Variants in EVI5 observed in about 807,000 individuals in gnomAD.
The protein encoded by EVI5 is ecotropic viral integration site 5.
EVI5 carries 73 observed loss-of-function variants against 112.0 expected under a neutral mutation model. The ratio of observed to expected loss-of-function variants is 0.65; its 90% confidence interval spans 0.54 to 0.79. The LOEUF is 0.79. Ranked by LOEUF, EVI5 falls within the 30% of genes least tolerant of loss-of-function variation. EVI5 has a pLI of 0.00. For synonymous variants in EVI5, 305 were observed against 319.9 expected, an observed-to-expected ratio of 0.95 and a Z score of 0.50; for missense variants, 900 against 968.8, an observed-to-expected ratio of 0.93 and a Z score of 0.94.
intron 1 of EVI5, among the ~76,000 whole-genome samples, chr1:92,747,205 A>G (rs1206809137): frequency 6.6e-6 from 1 of 152,200 alleles, no homozygotes; most frequent in Admixed American, 6.5e-5. Flanking sequence ...ATTAGGTATC[A>G]TAAGTAATCT....
At chr1:92,630,604 C>A (rs917659868) in intron 14 of EVI5, among the ~76,000 whole-genome samples, 7 of 152,076 alleles carry the variant, frequency 4.6e-5, no homozygotes, top group Non-Finnish European at 1.0e-4. Flanking sequence ...AAAATTTTCT[C>A]CCATTCTGTA....
chr1:92,789,447 C>A (rs374558669), upstream of EVI5, among the ~76,000 whole-genome samples: 1 of 152,078 alleles, frequency 6.6e-6, no homozygotes, highest in Non-Finnish European at 1.5e-5. Flanking sequence ...GGACTACAGG[C>A]GCCTGCCACC....
chr1:92,707,551 GA>G (rs1672212070), intron 2 of EVI5, among the ~76,000 whole-genome samples: 1 of 152,130 alleles, frequency 6.6e-6, no homozygotes, highest in African/African-American at 2.4e-5. Context: ...ATAAGTACTT[GA>G]AAAATGTTAG....
chr1:92,765,146 A>G (rs781246640), intron 1 of EVI5, among the ~76,000 whole-genome samples: 2 of 151,716 alleles, frequency 1.3e-5, no homozygotes, highest in African/African-American at 4.8e-5. Flanking sequence ...ATTGAAATCA[A>G]TTCTGCTACC....
chr1:92,516,188 T>C (rs576248069), intron 19 of EVI5, among the ~76,000 whole-genome samples: 2 of 152,278 alleles, frequency 1.3e-5, no homozygotes, highest in Admixed American at 6.5e-5. Context: ...TTTCTCTTTT[T>C]CCCCCAGACC....
chr1:92,557,010 G>A (rs1416681678), intron 19 of EVI5, among the ~76,000 whole-genome samples: 1 of 151,880 alleles, frequency 6.6e-6, no homozygotes, highest in Non-Finnish European at 1.5e-5. Context: ...CTTCAGTAAA[G>A]GCTTTATTTA....
At chr1:92,514,344 C>T (rs560307242) in intron 19 of EVI5, among the ~76,000 whole-genome samples, 51 of 151,958 alleles carry the variant, frequency 3.4e-4, no homozygotes, top group African/African-American at 1.1e-3. Flanking sequence ...TTTGTAGACA[C>T]GGGGTTTCAC....
intron 18 of EVI5, among the ~76,000 whole-genome samples, chr1:92,564,740 C>T (rs1489938683): frequency 1.2e-4 from 18 of 148,978 alleles, no homozygotes; most frequent in Admixed American, 8.8e-4. Context: ...AGTGCAATGG[C>T]GCGATTTCGG....
chr1:92,696,591 T>C (rs1354685218), intron 6 of EVI5, among the ~76,000 whole-genome samples: 1 of 151,020 alleles, frequency 6.6e-6, no homozygotes, highest in East Asian at 2.0e-4. Flanking sequence ...GAACTGTGAT[T>C]GTGTCATTGT....
At chr1:92,651,695 C>CA (rs1189464146) in intron 13 of EVI5, among the ~76,000 whole-genome samples, 2 of 125,822 alleles carry the variant, frequency 1.6e-5, no homozygotes, top group Non-Finnish European at 1.7e-5. Context: ...ATTAAAAATA[C>CA]AAAAAATTAG....
intron 10 of EVI5, among the ~76,000 whole-genome samples, chr1:92,667,197 C>T (rs747238334): frequency 6.6e-6 from 1 of 152,086 alleles, no homozygotes; most frequent in Non-Finnish European, 1.5e-5. Context: ...AGGGGGAAGA[C>T]GGCCTCAGCC....
chr1:92,754,043 A>G (rs1680563523), intron 1 of EVI5, among the ~76,000 whole-genome samples: 1 of 152,218 alleles, frequency 6.6e-6, no homozygotes, highest in African/African-American at 2.4e-5. Flanking sequence ...TAAAAGCCAC[A>G]TGCCATAACT....
intron 1 of EVI5, among the ~76,000 whole-genome samples, chr1:92,767,908 T>C (rs1682877112): frequency 6.6e-6 from 1 of 151,978 alleles, no homozygotes; most frequent in African/African-American, 2.4e-5. Flanking sequence ...GGCGAAACAC[T>C]GTCTCTACTA....
At chr1:92,645,911 T>C (rs1660855657) in intron 13 of EVI5, among the ~76,000 whole-genome samples, 2 of 152,204 alleles carry the variant, frequency 1.3e-5, no homozygotes, top group Non-Finnish European at 2.9e-5. Flanking sequence ...TGCATTCTCC[T>C]TTATAAGTCT....
chr1:92,660,106 G>A (rs1663715234), intron 13 of EVI5, among the ~76,000 whole-genome samples: 1 of 151,932 alleles, frequency 6.6e-6, no homozygotes, highest in Admixed American at 6.6e-5. Flanking sequence ...TGAGGAATGA[G>A]AAATTAACTC....
intron 16 of EVI5, among the ~76,000 whole-genome samples, chr1:92,615,465 T>C (rs1034380601): frequency 4.6e-5 from 7 of 152,094 alleles, no homozygotes; most frequent in African/African-American, 1.7e-4. Flanking sequence ...GTGAGGGCAT[T>C]GATTGGAAAA....
intron 1 of EVI5, chr1:92,756,233 C>T (rs1161068997): frequency 2.8e-5 from 12 of 424,754 alleles, no homozygotes; most frequent in East Asian, 1.8e-4. Flanking sequence ...AATGGACCTC[C>T]GCCTTCCAAC....
chr1:92,748,843 G>A (rs1679740859), intron 1 of EVI5, among the ~76,000 whole-genome samples: 1 of 152,116 alleles, frequency 6.6e-6, no homozygotes, highest in Non-Finnish European at 1.5e-5. Context: ...GATGCGGGCA[G>A]ATCACCTGAG....
At chr1:92,669,261 T>C (rs1037880972) in intron 10 of EVI5, among the ~76,000 whole-genome samples, 5 of 152,006 alleles carry the variant, frequency 3.3e-5, no homozygotes, top group African/African-American at 1.2e-4. Context: ...TTCACTGAAT[T>C]TGAGGGCCAG....
Sources: gnomAD v4.1 joint callset for allele counts (sites outside exome capture counted in the v4.1 genomes callset) on GRCh38, gnomAD v4.1.1 for gene constraint, MANE v1.5 for transcripts, NCBI Gene and HGNC (gene_info 2026-07-23, HGNC 2026-07-21) for gene names.